The following DPYD variants were observed in gnomAD, a reference collection of about 807,000 sequenced individuals.
DPYD encodes dihydropyrimidine dehydrogenase [NADP(+)].
A neutral mutation model predicts 116.2 loss-of-function variants in DPYD; 109 were observed. That is an observed-to-expected ratio of 0.94 (90% CI 0.80 to 1.10). The LOEUF (loss-of-function observed/expected upper bound fraction) is 1.10. DPYD is among the 50% of genes least tolerant of loss of function. The pLI, the probability that DPYD is intolerant of heterozygous loss-of-function variation, is 0.00. For missense variants in DPYD, 1,302 were observed against 1,254.5 expected (o/e 1.04, Z -0.57); for synonymous variants, 440 against 432.0 (o/e 1.02, Z -0.23).
At position 97,699,370 on chromosome 1, in the gene DPYD, C is replaced by T; in HGVS notation, c.661G>A (p.Glu221Lys). 6.2e-7 allele frequency: 1 copy of T among 1,613,574 alleles called. No homozygotes were observed. Among genetic ancestry groups the T allele is most frequent in the Non-Finnish European group, 8.5e-7 (1 of 1,179,600 alleles). ...CATTACCTTAAACCACCAACATATT[C>T]TTGTTTTTCAAATATAGTGATGTCA... is the stretch of plus-strand genomic sequence containing the variant. Reference protein sequence around the residue: ...YSDITIFEKQEYVGGLSTSEI... With the variant: ...YSDITIFEKQKYVGGLSTSEI... The change falls in exon 6 of 23, where the codon GAA becomes AAA. Residue 221 changes from glutamate (E) to lysine (K), a missense_variant. Physicochemically the swap from Glu to Lys is moderately conservative, Grantham distance 56. Coordinates refer to ENST00000370192, the MANE Select transcript of DPYD (RefSeq NM_000110.4).
At chr1:97,740,075 T>A (rs1052718605) in intron 4 of DPYD, among the ~76,000 whole-genome samples, 2 of 152,142 alleles carry the variant, frequency 1.3e-5, no homozygotes, top group African/African-American at 4.8e-5. Flanking sequence ...GTTTTGATGA[T>A]CAATGACAGT....
intron 20 of DPYD, among the ~76,000 whole-genome samples, chr1:97,113,497 G>T (rs1651751311): frequency 6.6e-6 from 1 of 152,002 alleles, no homozygotes; most frequent in South Asian, 2.1e-4. Context: ...TAATCTACCT[G>T]GCCCAATACC....
At chr1:97,463,499 G>A (rs2101829677) in intron 13 of DPYD, among the ~76,000 whole-genome samples, 1 of 152,240 alleles carries the variant, frequency 6.6e-6, no homozygotes, top group African/African-American at 2.4e-5. Flanking sequence ...ACAGTAAATT[G>A]GTACCAGTAG....
At chr1:97,239,768 C>T (rs1023097006) in intron 18 of DPYD, among the ~76,000 whole-genome samples, 3 of 152,034 alleles carry the variant, frequency 2.0e-5, no homozygotes, top group Non-Finnish European at 2.9e-5. Context: ...CATTTATAAG[C>T]TGTGTGACTT....
At chr1:97,920,483 G>A (rs1674451391) in intron 1 of DPYD, among the ~76,000 whole-genome samples, 1 of 152,138 alleles carries the variant, frequency 6.6e-6, no homozygotes, top group Admixed American at 6.5e-5. Context: ...GGGCAGTGGA[G>A]GTGTCCAGAA....
chr1:97,292,064 A>G (rs1420719682), intron 18 of DPYD, among the ~76,000 whole-genome samples: 1 of 152,100 alleles, frequency 6.6e-6, no homozygotes, highest in Non-Finnish European at 1.5e-5. Flanking sequence ...AGTTGCATGT[A>G]TCAGAATCCT....
At chr1:97,347,615 A>G (rs903210661) in intron 16 of DPYD, among the ~76,000 whole-genome samples, 2 of 151,932 alleles carry the variant, frequency 1.3e-5, no homozygotes. Flanking sequence ...CTAATCTTTC[A>G]ATATCAAGGT....
intron 8 of DPYD, among the ~76,000 whole-genome samples, chr1:97,665,097 A>G (rs1659485671): frequency 6.6e-6 from 1 of 152,126 alleles, no homozygotes; most frequent in Non-Finnish European, 1.5e-5. Flanking sequence ...AAATTCTAGT[A>G]ATATAGCTAC....
At chr1:97,190,180 A>G (rs1230283454) in intron 20 of DPYD, among the ~76,000 whole-genome samples, 5 of 151,980 alleles carry the variant, frequency 3.3e-5, no homozygotes, top group Non-Finnish European at 5.9e-5. Context: ...GCCATTTGGA[A>G]CCTAATGTGA....
chr1:97,785,907 AC>A (rs1666991754), intron 3 of DPYD, among the ~76,000 whole-genome samples: 1 of 150,826 alleles, frequency 6.6e-6, no homozygotes, highest in Admixed American at 6.6e-5. Context: ...GTTAGCCAGG[AC>A]GGTCTCGATC....
chr1:97,346,673 T>A (rs1212928451), intron 16 of DPYD, among the ~76,000 whole-genome samples: 1 of 151,880 alleles, frequency 6.6e-6, no homozygotes, highest in Non-Finnish European at 1.5e-5. Context: ...AGATAATGAT[T>A]GTCTTACTAG....
intron 12 of DPYD, among the ~76,000 whole-genome samples, chr1:97,548,585 A>G (rs1234292877): frequency 6.6e-6 from 1 of 151,994 alleles, no homozygotes; most frequent in Non-Finnish European, 1.5e-5. Flanking sequence ...AAAAATACAA[A>G]AATTAGCTGG....
chr1:97,785,935 C>T (rs185220506), intron 3 of DPYD, among the ~76,000 whole-genome samples: 5 of 151,268 alleles, frequency 3.3e-5, no homozygotes, highest in Admixed American at 6.6e-5. Flanking sequence ...CCTCATGATC[C>T]GCCTGCCTCG....
chr1:97,877,697 C>G (rs1001667681), intron 2 of DPYD, among the ~76,000 whole-genome samples: 4 of 151,894 alleles, frequency 2.6e-5, no homozygotes, highest in Admixed American at 2.6e-4. Flanking sequence ...TAACAGGAGG[C>G]AAGGGTAGAA....
intron 16 of DPYD, among the ~76,000 whole-genome samples, chr1:97,309,187 A>G (rs1415098575): frequency 1.3e-5 from 2 of 151,892 alleles, no homozygotes; most frequent in Admixed American, 6.6e-5. Flanking sequence ...ATTAAGAAAA[A>G]CAGAATAGCT....
chr1:97,792,530 G>A (rs549341315), intron 3 of DPYD, among the ~76,000 whole-genome samples: 6 of 152,216 alleles, frequency 3.9e-5, no homozygotes, highest in South Asian at 2.1e-4. Context: ...GATTACAGGC[G>A]TGAGCCACCG....
intron 4 of DPYD, among the ~76,000 whole-genome samples, chr1:97,727,838 AGTGGGAAGATTTCTT>A (rs1663359123): frequency 6.6e-6 from 1 of 151,912 alleles, no homozygotes; most frequent in Non-Finnish European, 1.5e-5. Context: ...TCTCATAGCA[AGTGGGAAGATTTCTT>A]GAGTCCTCCT....
intron 16 of DPYD, among the ~76,000 whole-genome samples, chr1:97,313,755 G>C (rs908993279): frequency 6.6e-6 from 1 of 151,846 alleles, no homozygotes; most frequent in African/African-American, 2.4e-5. Flanking sequence ...GTAAATGACT[G>C]CCTCTTTAGT....
intron 2 of DPYD, among the ~76,000 whole-genome samples, chr1:97,836,242 A>G (rs1198416527): frequency 6.6e-6 from 1 of 152,072 alleles, no homozygotes; most frequent in East Asian, 1.9e-4. Flanking sequence ...TCAATTTTGG[A>G]TGGTTAATTT....
Sources: allele counts gnomAD v4.1 joint callset (sites outside exome capture counted in the v4.1 genomes callset), GRCh38; gene constraint gnomAD v4.1.1; transcripts MANE v1.5; gene names NCBI Gene and HGNC (gene_info 2026-07-23, HGNC 2026-07-21).